Variants in CNIH1 observed in about 807,000 individuals in gnomAD.
The protein encoded by CNIH1 is protein cornichon homolog 1.
A neutral mutation model predicts 20.2 loss-of-function variants in CNIH1; 12 were observed. The observed-to-expected ratio is 0.59, with a 90% CI of 0.38 to 0.96. CNIH1 has a LOEUF of 0.96. Ranked by LOEUF, CNIH1 falls within the 40% of genes least tolerant of loss-of-function variation. CNIH1 has a pLI of 0.00. For synonymous variants in CNIH1, 69 were observed against 63.3 expected (o/e 1.09, Z -0.43); for missense variants, 152 against 178.8 (o/e 0.85, Z 0.85).
chr14:54,437,721 C>G (rs953409938), intron 1 of CNIH1, among the ~76,000 whole-genome samples: 2 of 151,104 alleles, frequency 1.3e-5, no homozygotes, highest in African/African-American at 4.9e-5. Context: ...TTTCCCTTGG[C>G]TAATGACACC....
At chr14:54,438,812 T>G (rs923485561) in intron 1 of CNIH1, among the ~76,000 whole-genome samples, 2 of 152,202 alleles carry the variant, frequency 1.3e-5, no homozygotes, top group Admixed American at 1.3e-4. Flanking sequence ...GGGAGGTGTT[T>G]GGGTCATGGG....
chr14:54,439,559 TTTG>T (rs1000928835), intron 1 of CNIH1, among the ~76,000 whole-genome samples: 7 of 143,812 alleles, frequency 4.9e-5, no homozygotes, highest in East Asian at 4.3e-4. Flanking sequence ...TTTCTTTTTT[TTTG>T]TTTTTTTTTT....
rs1341906530 is a variant in CNIH1 at position 54,427,439 on chromosome 14, G to A, written c.*375C>T. 1.1e-5 allele frequency: 2 copies of A among 184,744 alleles called. No individual in the cohort carries two copies. Among genetic ancestry groups the A allele is most frequent in the Non-Finnish European group, 2.2e-5 (2 of 89,842 alleles). The allele number at this position is 184,744 out of a possible 1,614,324, so 11.4% of individuals were successfully genotyped here. On this transcript the variant is annotated 3_prime_UTR_variant, in exon 5 of 5. Transcript: ENST00000216416. ...ATTTATAATTAGATACTGTTTCAAT[G>A]AAACCAAAATGAGCCCTACAAGTTC... is the stretch of plus-strand genomic sequence containing the variant.
At chr14:54,438,732 T>C (rs2031105136) in intron 1 of CNIH1, among the ~76,000 whole-genome samples, 1 of 152,236 alleles carries the variant, frequency 6.6e-6, no homozygotes, top group Non-Finnish European at 1.5e-5. Context: ...AACTACCTGC[T>C]AGAGTTTGGT....
At position 54,427,596 on chromosome 14, in the gene CNIH1, T is replaced by C. The variant is rs1316489542; in HGVS notation, c.*218A>G. The C allele has an allele frequency of 3.6e-6, 2 of 548,906 alleles. No homozygotes were observed. Among genetic ancestry groups the C allele is most frequent in the Admixed American group, 3.3e-5 (1 of 30,106 alleles). The allele number at this position is 548,906 out of a possible 1,614,324, so 34.0% of individuals were successfully genotyped here. A position where few individuals can be genotyped will look rare whatever the true frequency, so the allele number is the denominator to read the frequency against. ...GAGGTAATCATTTTATATTAATTTATACGTAATACCATTTAAAATCTTTAT... is the reference window on the plus strand; with the variant it reads ...GAGGTAATCATTTTATATTAATTTACACGTAATACCATTTAAAATCTTTAT... On this transcript the variant is annotated 3_prime_UTR_variant, in exon 5 of 5. Transcript: ENST00000216416.
rs3813400 is a variant in CNIH1, at chr14:54,425,141, C to T, written c.*2673G>A. On this transcript the variant is annotated 3_prime_UTR_variant, in exon 5 of 5. Transcript: ENST00000216416. ...ACCATACCTCCTTAGTATTAAAGGG[C>T]CATACTGCCACAATATAGTATTATT... is the stretch of plus-strand genomic sequence containing the variant. 2.0e-5 allele frequency: 3 copies of T among 152,032 alleles called. No individual in the cohort carries two copies. The highest frequency in any genetic ancestry group is 2.9e-5 in the Non-Finnish European group (2 of 67,998). 9.4% of individuals were successfully genotyped at this position (152,032 alleles called of 1,614,324 possible).
In CNIH1 at chr14:54,424,580, GGAGAA is replaced by G. The variant is rs1369564016; in HGVS notation, c.*3229_*3233del. On this transcript the variant is annotated 3_prime_UTR_variant, in exon 5 of 5. Transcript: ENST00000216416. ...ACGAACTCTATTCATAAACATAGAA[GGAGAA>G]GAGAGGTGTTGTACAAAGGATTTTG... 6.6e-6 allele frequency: 1 copy of G among 152,206 alleles called. No homozygotes were observed. The highest frequency in any genetic ancestry group is 2.4e-5 in the African/African-American group (1 of 41,454). The allele number at this position is 152,206 out of a possible 1,614,324, so 9.4% of individuals were successfully genotyped here.
In CNIH1 at chr14:54,425,099, G is replaced by A. The variant is rs939788310; in HGVS notation, c.*2715C>T. 1.3e-5 allele frequency: 2 copies of A among 152,156 alleles called. No individual in the cohort carries two copies. Among genetic ancestry groups the A allele is most frequent in the Non-Finnish European group, 2.9e-5 (2 of 68,006 alleles). The allele number at this position is 152,156 out of a possible 1,614,324, so 9.4% of individuals were successfully genotyped here. A position where few individuals can be genotyped will look rare whatever the true frequency, so the allele number is the denominator to read the frequency against. ...TCATTAATAACATTTGGATATGAGT[G>A]TTCAAATAATTTCTACACCATACCT... On this transcript the variant is annotated 3_prime_UTR_variant, in exon 5 of 5. Coordinates refer to ENST00000216416, the MANE Select transcript of CNIH1 (RefSeq NM_005776.3).
At chr14:54,427,914 A>T in intron 4 of CNIH1, 73 bp from the exon 5 acceptor site, 1 of 1,372,554 alleles carries the variant, frequency 7.3e-7, no homozygotes, top group African/African-American at 1.4e-5. Flanking sequence ...ATGAGAGAGT[A>T]TGCTTTATAT....
chr14:54,436,870 C>A, intron 1 of CNIH1: 1 of 414,476 alleles, frequency 2.4e-6, no homozygotes, highest in Non-Finnish European at 4.7e-6. Flanking sequence ...GCCCACATCT[C>A]CACACAGCAT....
intron 2 of CNIH1, 138 bp from the exon 3 acceptor site, chr14:54,432,358 G>A (rs910730508): frequency 3.4e-5 from 17 of 501,766 alleles, no homozygotes; most frequent in Non-Finnish European, 4.7e-5. Flanking sequence ...ATGCTACTGA[G>A]TTTTATTTCC....
intron 1 of CNIH1, among the ~76,000 whole-genome samples, chr14:54,437,712 T>G (rs1283056458): frequency 6.6e-6 from 1 of 151,936 alleles, no homozygotes; most frequent in East Asian, 1.9e-4. Context: ...CCAGGGGGAT[T>G]TCCCTTGGCT....
At chr14:54,429,832 C>G (rs2030898892) in intron 4 of CNIH1, among the ~76,000 whole-genome samples, 1 of 152,112 alleles carries the variant, frequency 6.6e-6, no homozygotes, top group African/African-American at 2.4e-5. Context: ...CCACTCAAAT[C>G]AAGCAAATCA....
At chr14:54,427,905 T>C in intron 4 of CNIH1, 64 bp from the exon 5 acceptor site, 1 of 1,479,930 alleles carries the variant, frequency 6.8e-7, no homozygotes, top group South Asian at 1.1e-5. Context: ...ACTCAGAGCA[T>C]GAGAGAGTAT....
chr14:54,430,238 T>C, intron 4 of CNIH1, 23 bp downstream of exon 4: 1 of 1,611,572 alleles, frequency 6.2e-7, no homozygotes, highest in Non-Finnish European at 8.5e-7. Flanking sequence ...GAAAGCATAT[T>C]TCATTTTACC....
chr14:54,436,229 A>G, intron 2 of CNIH1, 140 bp downstream of exon 2: 3 of 699,450 alleles, frequency 4.3e-6, no homozygotes, highest in Non-Finnish European at 7.9e-6. Context: ...GACAGGAAAA[A>G]GAAGATTTTT....
intron 2 of CNIH1, among the ~76,000 whole-genome samples, chr14:54,432,675 T>C (rs1339109373): frequency 6.6e-6 from 1 of 152,212 alleles, no homozygotes; most frequent in Non-Finnish European, 1.5e-5. Context: ...TTTAAGCCTT[T>C]AACAAAAACC....
rs1328737740 is a variant in CNIH1, at chr14:54,441,337, G to A, written c.-10C>T. On this transcript the variant is annotated 5_prime_UTR_variant, in exon 1 of 5. Coordinates refer to ENST00000216416, the MANE Select transcript of CNIH1 (RefSeq NM_005776.3). The stretch of plus-strand genomic sequence containing the variant: ...CGAACGTGAACGCCATGGCTGGGGA[G>A]GAGGAGCGGGGAGCGGCGCCGTTGC... The A allele has an allele frequency of 2.0e-5, 30 of 1,493,066 alleles. No homozygotes were observed. Among genetic ancestry groups the A allele is most frequent in the Admixed American group, 1.3e-4 (6 of 46,642 alleles). 92.5% of individuals were successfully genotyped at this position (1,493,066 alleles called of 1,614,324 possible).
chr14:54,430,219 C>A, intron 4 of CNIH1, 42 bp downstream of exon 4: 1 of 1,599,600 alleles, frequency 6.3e-7, no homozygotes, highest in Non-Finnish European at 8.5e-7. Context: ...ACTTTTAAAG[C>A]AGCAAAGTGA....
Sources: allele counts gnomAD v4.1 joint callset (sites outside exome capture counted in the v4.1 genomes callset), GRCh38; gene constraint gnomAD v4.1.1; transcripts MANE v1.5; gene names NCBI Gene and HGNC (gene_info 2026-07-23, HGNC 2026-07-21).